RGL1: variants seen among roughly 807,000 people sequenced by gnomAD.
RGL1 encodes the protein ral guanine nucleotide dissociation stimulator like 1.
A neutral mutation model predicts 95.2 loss-of-function variants in RGL1; 24 were observed. That is an observed-to-expected ratio of 0.25 (90% CI 0.18 to 0.35). The LOEUF (loss-of-function observed/expected upper bound fraction) is 0.35, where lower values mean the gene tolerates loss of function less well. Ranked by LOEUF, RGL1 falls within the 10% of genes least tolerant of loss-of-function variation. The pLI, the probability that RGL1 is intolerant of heterozygous loss-of-function variation, is 1.00. For missense variants in RGL1, 715 were observed against 936.3 expected (o/e 0.76, Z 3.08); for synonymous variants, 329 against 344.9 (o/e 0.95, Z 0.51).
intron 4 of RGL1, among the ~76,000 whole-genome samples, chr1:183,876,973 A>C (rs1666531389): frequency 6.6e-6 from 1 of 152,250 alleles, no homozygotes; most frequent in African/African-American, 2.4e-5. Context: ...GTATCTCAAA[A>C]TGTCCTTATT....
chr1:183,663,768 G>T (rs1246926943), intron 1 of RGL1, among the ~76,000 whole-genome samples: 1 of 151,428 alleles, frequency 6.6e-6, no homozygotes, highest in East Asian at 1.9e-4. Flanking sequence ...GCACACGTAT[G>T]TTTATTGCAG....
chr1:183,690,254 C>T (rs1222431862), intron 1 of RGL1, among the ~76,000 whole-genome samples: 1 of 152,158 alleles, frequency 6.6e-6, no homozygotes, highest in Non-Finnish European at 1.5e-5. Flanking sequence ...CTTTGAACCC[C>T]TGGAATTATT....
At chr1:183,895,255 A>G (rs577456405) in intron 9 of RGL1, among the ~76,000 whole-genome samples, 64 of 152,314 alleles carry the variant, frequency 4.2e-4, no homozygotes, top group African/African-American at 1.5e-3. Flanking sequence ...TCCAGAGTCC[A>G]GTAGACAAGT....
intron 2 of RGL1, among the ~76,000 whole-genome samples, chr1:183,766,701 T>C (rs911398386): frequency 6.6e-6 from 1 of 152,142 alleles, no homozygotes; most frequent in Admixed American, 6.6e-5. Context: ...TTATAGATCA[T>C]TAAAGGAAAG....
intron 1 of RGL1, among the ~76,000 whole-genome samples, chr1:183,670,963 G>C (rs189222865): frequency 9.1e-4 from 138 of 152,306 alleles, no homozygotes; most frequent in Middle Eastern, 6.8e-3. Context: ...AAAGGAAAGA[G>C]GTTTAATTGA....
Position 183,805,288 on chromosome 1 carries a change from A to G in RGL1, c.-10A>G. ...CATGCAGCGTTCGCGCACCGGAGAG[A>G]AAACTGAGAATGAAATTGCTTTGGC... On this transcript the variant is annotated 5_prime_UTR_variant, in exon 1 of 18. Transcript: ENST00000360851. 4.3e-6 allele frequency: 7 copies of G among 1,611,774 alleles called. No homozygotes were observed. The highest frequency in any genetic ancestry group is 5.9e-6 in the Non-Finnish European group (7 of 1,179,538).
At position 183,904,904 on chromosome 1, in the gene RGL1, T is replaced by C; in HGVS notation, c.1405T>C (p.Cys469Arg). 1 of 1,613,970 alleles carries C rather than the reference T, an allele frequency of 6.2e-7. No individual in the cohort carries two copies. ...CTTACAGTCTGCCTGCAACAGCTAT[T>C]GCATGACCCCAGACCAAAAGTTCAT... ...KLLQSACNSY[C>R]MTPDQKFIQW... The change falls in exon 13 of 18, where the codon TGC becomes CGC. Residue 469 changes from cysteine (C) to arginine (R), a missense_variant. Coordinates refer to ENST00000360851, the MANE Select transcript of RGL1 (RefSeq NM_001297671.3).
intron 2 of RGL1, among the ~76,000 whole-genome samples, chr1:183,761,468 A>T (rs541485613): frequency 1.6e-4 from 25 of 152,224 alleles, no homozygotes; most frequent in Non-Finnish European, 3.1e-4. Context: ...AGTAGTCTCA[A>T]TAGTGGGCTT....
Position 183,871,096 on chromosome 1 carries a change from C to G in RGL1, c.425+5023C>G, listed in dbSNP as rs539378625. Among the ~76,000 whole-genome samples, 100 of 152,304 alleles carry G rather than the reference C, an allele frequency of 6.6e-4. 1 individual carries two copies. The South Asian group carries it at 0.018, about 27-fold the overall frequency. On this transcript the variant is annotated intron_variant, in intron 4 of 17. Coordinates refer to ENST00000360851, the MANE Select transcript of RGL1 (RefSeq NM_001297671.3). Reference sequence around the variant, plus strand: ...TAAGATAAAATTTATTTAGCTTTTTCTTTCTCTCAAAAAATGAATAACAGA... The same window carrying G: ...TAAGATAAAATTTATTTAGCTTTTTGTTTCTCTCAAAAAATGAATAACAGA...
chr1:183,835,036 A>G (rs751601328), intron 2 of RGL1, among the ~76,000 whole-genome samples: 1 of 152,162 alleles, frequency 6.6e-6, no homozygotes, highest in Non-Finnish European at 1.5e-5. Context: ...GTCACAAGCC[A>G]TGGAAATGAT....
At chr1:183,823,022 T>G (rs1247499150) in intron 2 of RGL1, among the ~76,000 whole-genome samples, 1 of 152,200 alleles carries the variant, frequency 6.6e-6, no homozygotes, top group Non-Finnish European at 1.5e-5. Flanking sequence ...GTGAGTCCTC[T>G]CTGGTTTCTC....
chr1:183,885,656 G>T (rs1236397751), intron 7 of RGL1, among the ~76,000 whole-genome samples: 1 of 152,162 alleles, frequency 6.6e-6, no homozygotes, highest in Non-Finnish European at 1.5e-5. Context: ...CAAATATTTT[G>T]TGAACTTCTA....
chr1:183,807,375 T>A (rs747624180), intron 2 of RGL1, among the ~76,000 whole-genome samples: 5 of 152,184 alleles, frequency 3.3e-5, no homozygotes, highest in Non-Finnish European at 7.3e-5. Context: ...CTGGCCTTAT[T>A]TTAGCCGATG....
At chr1:183,756,970 G>T (rs1479967884) in intron 2 of RGL1, among the ~76,000 whole-genome samples, 1 of 150,988 alleles carries the variant, frequency 6.6e-6, no homozygotes, top group Non-Finnish European at 1.5e-5. Flanking sequence ...TGGGTACTAA[G>T]GTGATTCATT....
chr1:183,873,630 G>A (rs74133012), intron 4 of RGL1, among the ~76,000 whole-genome samples: 2,599 of 152,218 alleles, frequency 0.017, 62 homozygotes, highest in African/African-American at 0.054. Flanking sequence ...ATAAGACTGC[G>A]GAAGTACATG....
At chr1:183,869,740 T>G (rs1385846933) in intron 4 of RGL1, among the ~76,000 whole-genome samples, 1 of 152,184 alleles carries the variant, frequency 6.6e-6, no homozygotes, top group Non-Finnish European at 1.5e-5. Flanking sequence ...GGTCACTGCT[T>G]TGTCTTTGTC....
chr1:183,825,844 G>A (rs1039764527), intron 2 of RGL1, among the ~76,000 whole-genome samples: 1 of 152,072 alleles, frequency 6.6e-6, no homozygotes, highest in Non-Finnish European at 1.5e-5. Context: ...TCTTGGTAAG[G>A]CCTTGTCTAA....
intron 11 of RGL1, among the ~76,000 whole-genome samples, chr1:183,900,761 C>G (rs1388933603): frequency 6.6e-6 from 1 of 152,036 alleles, no homozygotes; most frequent in Non-Finnish European, 1.5e-5. Context: ...CCACCTTGGC[C>G]TTCCAAAGTG....
rs747311729 is a variant in RGL1 at position 183,925,543 on chromosome 1, A to AT, written c.2120-562_2120-561insT. 2.2e-4 allele frequency among the ~76,000 whole-genome samples: 30 copies of AT among 138,902 alleles called. No individual in the cohort carries two copies. In the Middle Eastern group the frequency reaches 0.012, roughly 54 times the overall value. The allele number at this position is 138,902 out of a possible 152,430, so 91.1% of individuals were successfully genotyped here. On this transcript the variant is annotated intron_variant, in intron 17 of 17. Transcript: ENST00000360851. ...ACATGTATCCCAAAACTTAAAGTAA[A>AT]ATTTTTTTAAAAAAATATACATACT...
Sources: gnomAD v4.1 joint callset for allele counts (sites outside exome capture counted in the v4.1 genomes callset) on GRCh38, gnomAD v4.1.1 for gene constraint, MANE v1.5 for transcripts, NCBI Gene and HGNC (gene_info 2026-07-23, HGNC 2026-07-21) for gene names.